CD38: variants seen among roughly 807,000 people sequenced by gnomAD.
CD38 encodes ADP-ribosyl cyclase/cyclic ADP-ribose hydrolase 1.
Under a neutral mutation model 36.3 loss-of-function variants are expected in CD38, and 31 were observed. The observed-to-expected ratio is 0.85, with a 90% confidence interval of 0.64 to 1.15. The LOEUF is 1.15. Among genes scored for constraint, CD38 ranks in the 50% most tolerant of loss-of-function variants. CD38 has a pLI of 0.00. For missense variants in CD38, 380 were observed against 371.9 expected (o/e 1.02, Z -0.18); for synonymous variants, 131 against 135.2 (o/e 0.97, Z 0.22).
chr4:15,847,513 ACTAACC>A (rs1219906335), intron 7 of CD38, among the ~76,000 whole-genome samples: 4 of 111,962 alleles, frequency 3.6e-5, no homozygotes, highest in Non-Finnish European at 5.2e-5. Flanking sequence ...TACATATGTA[ACTAACC>A]TGCACAATGT....
intron 4 of CD38, among the ~76,000 whole-genome samples, chr4:15,836,192 G>C (rs1332475233): frequency 6.6e-6 from 1 of 152,126 alleles, no homozygotes; most frequent in Non-Finnish European, 1.5e-5. Flanking sequence ...CATTGTGCTG[G>C]ATACTTGGGA....
intron 2 of CD38, among the ~76,000 whole-genome samples, chr4:15,818,339 G>C (rs1325658272): frequency 1.3e-5 from 2 of 152,178 alleles, no homozygotes; most frequent in African/African-American, 2.4e-5. Flanking sequence ...ACCCCAGTCA[G>C]GGGCTTACAG....
intron 2 of CD38, among the ~76,000 whole-genome samples, chr4:15,822,063 A>T (rs1360369360): frequency 6.6e-6 from 1 of 152,220 alleles, no homozygotes; most frequent in Non-Finnish European, 1.5e-5. Flanking sequence ...AATGTAATTC[A>T]TTACATAAAG....
intron 3 of CD38, among the ~76,000 whole-genome samples, chr4:15,831,160 ACT>A (rs1188163142): frequency 1.3e-5 from 2 of 151,558 alleles, no homozygotes; most frequent in African/African-American, 2.4e-5. Context: ...GCTAATACAA[ACT>A]CTATACCTTA....
intron 1 of CD38, among the ~76,000 whole-genome samples, chr4:15,815,232 A>T (rs145102455): frequency 0.12 from 17,493 of 152,018 alleles, 1,325 homozygotes; most frequent in Non-Finnish European, 0.17. Context: ...TTTGCTTAGG[A>T]TTGTCTTGGC....
intron 1 of CD38, among the ~76,000 whole-genome samples, chr4:15,808,106 A>T (rs1276538874): frequency 6.6e-6 from 1 of 152,024 alleles, no homozygotes; most frequent in Non-Finnish European, 1.5e-5. Flanking sequence ...CCCTGACATT[A>T]TTTGTAGTGT....
intron 7 of CD38, among the ~76,000 whole-genome samples, chr4:15,848,068 A>C (rs1199209958): frequency 6.6e-6 from 1 of 152,102 alleles, no homozygotes; most frequent in Non-Finnish European, 1.5e-5. Context: ...AAAGAACCCC[A>C]TTCCTCGCTA....
chr4:15,842,363 G>T (rs1196709221), intron 7 of CD38, among the ~76,000 whole-genome samples: 1 of 118,332 alleles, frequency 8.5e-6, no homozygotes, highest in African/African-American at 3.6e-5. Flanking sequence ...TCTGTTAGAA[G>T]GAAAACTAAC....
chr4:15,825,151 A>C, intron 3 of CD38, 135 bp downstream of exon 3: 1 of 765,188 alleles, frequency 1.3e-6, no homozygotes, highest in Admixed American at 2.9e-5. Context: ...TACTTATATT[A>C]GTCCATTTGT....
At chr4:15,826,854 A>G (rs1723862747) in intron 3 of CD38, among the ~76,000 whole-genome samples, 1 of 152,226 alleles carries the variant, frequency 6.6e-6, no homozygotes, top group African/African-American at 2.4e-5. Context: ...TTCAGAAGAA[A>G]ATAATACCTC....
At position 15,824,948 on chromosome 4, in the gene CD38, C is replaced by A. The variant is rs369214160; in HGVS notation, c.431C>A (p.Thr144Asn). ...QFTQVQRDMF[T>N]LEDTLLGYLA... ...ACACAGGTCCAGCGGGACATGTTCA[C>A]CCTGGAGGACACGCTGCTAGGCTAC... The change falls in exon 3 of 8, where the codon ACC becomes AAC. Residue 144 changes from threonine to asparagine, a missense_variant. Coordinates refer to ENST00000226279, the MANE Select transcript of CD38 (RefSeq NM_001775.4). 8 of 1,613,810 alleles carry A rather than the reference C, an allele frequency of 5.0e-6. No individual in the cohort carries two copies. In the African/African-American group the frequency reaches 5.3e-5, roughly 11 times the overall value.
At chr4:15,830,907 C>A (rs778196945) in intron 3 of CD38, among the ~76,000 whole-genome samples, 6 of 152,032 alleles carry the variant, frequency 3.9e-5, no homozygotes, top group Non-Finnish European at 8.8e-5. Flanking sequence ...CTTACTCCTG[C>A]CATTTTGTTA....
intron 1 of CD38, among the ~76,000 whole-genome samples, chr4:15,813,308 G>GT (rs150758066): frequency 0.18 from 27,924 of 151,876 alleles, 3,465 homozygotes; most frequent in African/African-American, 0.36. Context: ...TCTGCTCAGT[G>GT]TTTTTTTCAT....
chr4:15,841,217 G>A (rs888813933), intron 7 of CD38, among the ~76,000 whole-genome samples: 1 of 152,186 alleles, frequency 6.6e-6, no homozygotes, highest in African/African-American at 2.4e-5. Context: ...CTCATTGGTA[G>A]AAGCATCTTT....
rs998104219 is a variant in CD38 at position 15,850,054 on chromosome 4, C to T, written c.*1452C>T. 10 of 152,034 alleles carry T rather than the reference C, an allele frequency of 6.6e-5. No homozygotes were observed. Among genetic ancestry groups the T allele is most frequent in the African/African-American group, 1.4e-4 (6 of 41,406 alleles). The allele number at this position is 152,034 out of a possible 1,614,324, so 9.4% of individuals were successfully genotyped here. The stretch of plus-strand genomic sequence containing the variant: ...AGGCATGGTGGCTCACACCTGTATC[C>T]CCAGCACTTTGGGAGGCCGAGACGG... On this transcript the variant is annotated 3_prime_UTR_variant, in exon 8 of 8. Transcript: ENST00000226279.
At chr4:15,789,203 G>A (rs1204195739) in intron 1 of CD38, among the ~76,000 whole-genome samples, 1 of 152,118 alleles carries the variant, frequency 6.6e-6, no homozygotes, top group African/African-American at 2.4e-5. Context: ...CTCCTATGAT[G>A]TCCCAGAAAC....
At chr4:15,826,900 A>G (rs1448669610) in intron 3 of CD38, among the ~76,000 whole-genome samples, 3 of 152,222 alleles carry the variant, frequency 2.0e-5, no homozygotes, top group East Asian at 3.8e-4. Flanking sequence ...TGAGGCTACT[A>G]TATATACATA....
chr4:15,848,413 TTTA>T, intron 7 of CD38, 123 bp from the exon 8 acceptor site: 2 of 606,376 alleles, frequency 3.3e-6, no homozygotes, highest in East Asian at 2.9e-5. Context: ...AGGAGAGGAG[TTTA>T]TATGGATGCT....
intron 1 of CD38, among the ~76,000 whole-genome samples, chr4:15,790,560 C>T (rs7674345): frequency 2.7e-5 from 4 of 150,476 alleles, no homozygotes; most frequent in Non-Finnish European, 4.5e-5. Context: ...CCTTGGCCCC[C>T]CAAAGTGCCG....
Sources: allele counts gnomAD v4.1 joint callset (sites outside exome capture counted in the v4.1 genomes callset), GRCh38; gene constraint gnomAD v4.1.1; transcripts MANE v1.5; gene names NCBI Gene and HGNC (gene_info 2026-07-23, HGNC 2026-07-21).